The following CGA variants were observed in gnomAD, a reference collection of about 807,000 sequenced individuals.
CGA encodes glycoprotein hormones alpha chain.
Under a neutral mutation model 12.0 loss-of-function variants are expected in CGA, and 4 were observed. The ratio of observed to expected loss-of-function variants is 0.33; its 90% confidence interval spans 0.16 to 0.76. The LOEUF is 0.76. Among genes scored for constraint, CGA ranks in the 30% least tolerant of loss-of-function variants. The pLI, the probability that CGA is intolerant of heterozygous loss-of-function variation, is 0.60. For synonymous variants in CGA, 60 were observed against 56.6 expected (o/e 1.06, Z -0.27); for missense variants, 102 against 143.5 (o/e 0.71, Z 1.48).
At chr6:87,094,524 C>T (rs1389894650) in intron 1 of CGA, among the ~76,000 whole-genome samples, 1 of 152,174 alleles carries the variant, frequency 6.6e-6, no homozygotes, top group Non-Finnish European at 1.5e-5. Context: ...TTCCATGCTA[C>T]TATTCAAGTC....
In CGA at chr6:87,091,515, AT is replaced by A. The variant is rs1769431122; in HGVS notation, c.-7-3309del. Among the ~76,000 whole-genome samples the A allele has an allele frequency of 2.0e-5, 3 of 152,312 alleles. No homozygotes were observed. The East Asian group carries it at 5.8e-4, about 29-fold the overall frequency. On this transcript the variant is annotated intron_variant, in intron 1 of 3. Coordinates refer to ENST00000627148, the MANE Select transcript of CGA (RefSeq NM_000735.4). ...AAAAATATGCTCAATCTAAAGTCAG[AT>A]TTACTAATCTCAGCTTCTTTTGGTA...
At chr6:87,089,891 T>C (rs971536626) in intron 1 of CGA, among the ~76,000 whole-genome samples, 2 of 152,186 alleles carry the variant, frequency 1.3e-5, no homozygotes, top group Non-Finnish European at 2.9e-5. Context: ...TATATAAAAT[T>C]ACCTTCAGGC....
At chr6:87,090,348 A>G (rs1769408062) in intron 1 of CGA, among the ~76,000 whole-genome samples, 1 of 152,170 alleles carries the variant, frequency 6.6e-6, no homozygotes, top group African/African-American at 2.4e-5. Flanking sequence ...TCTAGAGGCT[A>G]CATGACATGT....
intron 1 of CGA, among the ~76,000 whole-genome samples, chr6:87,093,095 T>C (rs983752168): frequency 1.3e-5 from 2 of 152,190 alleles, no homozygotes; most frequent in African/African-American, 2.4e-5. Flanking sequence ...GGCTTTCACA[T>C]ACATTCACTT....
At chr6:87,091,133 T>C (rs930126287) in intron 1 of CGA, among the ~76,000 whole-genome samples, 1 of 152,160 alleles carries the variant, frequency 6.6e-6, no homozygotes, top group Non-Finnish European at 1.5e-5. Flanking sequence ...AACAACTATA[T>C]CAGAATTAAT....
At chr6:87,088,737 A>G (rs1769375447) in intron 1 of CGA, 1 of 152,216 alleles carries the variant, frequency 6.6e-6, no homozygotes, top group South Asian at 2.1e-4. Flanking sequence ...AATAAAAAAT[A>G]ACACCAAATA....
Position 87,089,764 on chromosome 6 carries a change from A to T in CGA, c.-7-1557T>A, listed in dbSNP as rs9344672. On this transcript the variant is annotated intron_variant, in intron 1 of 3. Transcript: ENST00000627148. ...AGTATATCTATTCTGAACATCTGAA[A>T]TCTGAAATGGCCCACAATCTGAAAC... 4.1e-4 allele frequency among the ~76,000 whole-genome samples: 62 copies of T among 152,326 alleles called. No homozygotes were observed. The East Asian group carries it at 9.4e-3, about 23-fold the overall frequency.
At chr6:87,090,880 T>C (rs994309144) in intron 1 of CGA, among the ~76,000 whole-genome samples, 5 of 151,006 alleles carry the variant, frequency 3.3e-5, no homozygotes, top group African/African-American at 1.2e-4. Context: ...ACTCCTGACC[T>C]CGTGATCCAC....
chr6:87,090,512 T>C (rs1168260080), intron 1 of CGA, among the ~76,000 whole-genome samples: 1 of 152,198 alleles, frequency 6.6e-6, no homozygotes, highest in Non-Finnish European at 1.5e-5. Flanking sequence ...ATATATGTTA[T>C]ATGTGTTAAC....
intron 1 of CGA, among the ~76,000 whole-genome samples, chr6:87,094,057 T>C (rs1256943192): frequency 1.3e-5 from 2 of 152,134 alleles, no homozygotes; most frequent in Admixed American, 6.5e-5. Flanking sequence ...TTAAGTCAAG[T>C]AATTATTTAA....
chr6:87,093,336 G>T (rs1769475799), intron 1 of CGA, among the ~76,000 whole-genome samples: 1 of 152,082 alleles, frequency 6.6e-6, no homozygotes, highest in South Asian at 2.1e-4. Context: ...TTCTAACATT[G>T]TTATTGATTC....
At chr6:87,093,752 T>C (rs1367818381) in intron 1 of CGA, among the ~76,000 whole-genome samples, 1 of 152,230 alleles carries the variant, frequency 6.6e-6, no homozygotes, top group Admixed American at 6.5e-5. Flanking sequence ...TAAAAAGAAA[T>C]GTACACTGCA....
chr6:87,085,627 C>T lies in CGA; in HGVS notation c.*129G>A. On this transcript the variant is annotated 3_prime_UTR_variant, in exon 4 of 4. Transcript: ENST00000627148. Reference sequence around the variant, plus strand: ...GGAAGGCAGTAAAGCTGCAGTATATCCTTGAAGCGTGTCAAAGTGGTATGG... The same window carrying T: ...GGAAGGCAGTAAAGCTGCAGTATATTCTTGAAGCGTGTCAAAGTGGTATGG... The T allele has an allele frequency of 1.5e-6, 1 of 683,136 alleles. No individual in the cohort carries two copies. The highest frequency in any genetic ancestry group is 1.7e-5 in the South Asian group (1 of 58,268). 42.3% of individuals were successfully genotyped at this position (683,136 alleles called of 1,614,324 possible).
intron 1 of CGA, among the ~76,000 whole-genome samples, chr6:87,093,296 T>C (rs1404892927): frequency 3.3e-5 from 5 of 152,216 alleles, no homozygotes; most frequent in East Asian, 1.9e-4. Context: ...ACATGGATCA[T>C]GCTGTTTCAG....
In CGA at chr6:87,086,240, A is replaced by G. The variant is rs765035006; in HGVS notation, c.273+10T>C. The G allele has an allele frequency of 1.4e-5, 22 of 1,600,814 alleles. No individual in the cohort carries two copies. Among genetic ancestry groups the G allele is most frequent in the Non-Finnish European group, 1.7e-5 (20 of 1,174,708 alleles). On this transcript the variant is annotated intron_variant, in intron 3 of 3. Transcript: ENST00000627148. ...TGTTAGAAAGCTTCTGGGGATCTTGAGGTTCTTACCCTGTTATATGATTTA... is the reference window on the plus strand; with the variant it reads ...TGTTAGAAAGCTTCTGGGGATCTTGGGGTTCTTACCCTGTTATATGATTTA...
rs1051960536 is a variant in CGA at position 87,086,132 on chromosome 6, A to G, written c.273+118T>C. 9 of 895,338 alleles carry G rather than the reference A, an allele frequency of 1.0e-5. No homozygotes were observed. In the South Asian group the frequency reaches 1.4e-4, roughly 14 times the overall value. 55.5% of individuals were successfully genotyped at this position (895,338 alleles called of 1,614,324 possible). A position where few individuals can be genotyped will look rare whatever the true frequency, so the allele number is the denominator to read the frequency against. ...TAGAAATGTATTCCCCACCTGTACA[A>G]ATGCTCGACAGAGGCTGGGTCATTA... On this transcript the variant is annotated intron_variant, in intron 3 of 3. Transcript: ENST00000627148.
At position 87,088,244 on chromosome 6, in the gene CGA, A is replaced by C. The variant is rs1582319978; in HGVS notation, c.-7-37T>G. The C allele has an allele frequency of 1.9e-5, 24 of 1,248,154 alleles. No homozygotes were observed. In the South Asian group the frequency reaches 2.1e-4, roughly 11 times the overall value. The allele number at this position is 1,248,154 out of a possible 1,614,324, so 77.3% of individuals were successfully genotyped here. On this transcript the variant is annotated intron_variant, in intron 1 of 3. Transcript: ENST00000627148. ...CATGGCAAAAAAAAAAAAACAAAAAACAGTTAATCTAAAATTGGCTTACCA... is the reference window on the plus strand; with the variant it reads ...CATGGCAAAAAAAAAAAAACAAAAACCAGTTAATCTAAAATTGGCTTACCA...
intron 1 of CGA, 135 bp from the exon 2 acceptor site, chr6:87,088,342 A>C: frequency 4.3e-6 from 2 of 464,918 alleles, no homozygotes; most frequent in Non-Finnish European, 3.8e-6. Context: ...CCCTGCTTTT[A>C]GCTCCCAACA....
rs887901434 is a variant in CGA, at chr6:87,095,006, A to G, written c.-8+7T>C. ...AAAGTCCCCCAAAATTATTTCATTC[A>G]TATTACCTTTCTCTGGGCTTTTTGC... On this transcript the variant is annotated splice_region_variant and intron_variant, in intron 1 of 3. Coordinates refer to ENST00000627148, the MANE Select transcript of CGA (RefSeq NM_000735.4). 7.9e-5 allele frequency: 12 copies of G among 152,320 alleles called. No homozygotes were observed. In the East Asian group the frequency reaches 9.6e-4, roughly 12 times the overall value. The allele number at this position is 152,320 out of a possible 1,614,324, so 9.4% of individuals were successfully genotyped here. A position where few individuals can be genotyped will look rare whatever the true frequency, so the allele number is the denominator to read the frequency against.
Sources: gnomAD v4.1 joint callset for allele counts (sites outside exome capture counted in the v4.1 genomes callset) on GRCh38, gnomAD v4.1.1 for gene constraint, MANE v1.5 for transcripts, NCBI Gene and HGNC (gene_info 2026-07-23, HGNC 2026-07-21) for gene names.